Variants in LPIN1 observed in about 807,000 individuals in gnomAD.
LPIN1 encodes the protein lipin 1.
In LPIN1, 71 loss-of-function variants were observed where a neutral mutation model predicts 107.5. The observed-to-expected ratio is 0.66, with a 90% CI of 0.55 to 0.80. The LOEUF (loss-of-function observed/expected upper bound fraction) is 0.80, where lower values mean the gene tolerates loss of function less well. LPIN1 is among the 30% of genes least tolerant of loss of function. LPIN1 has a pLI of 0.00. For synonymous variants in LPIN1, 445 were observed against 452.6 expected (o/e 0.98, Z 0.21); for missense variants, 1,043 against 1,160.6 (o/e 0.90, Z 1.47).
At chr2:11,785,589 C>T (rs923017503) in intron 10 of LPIN1, among the ~76,000 whole-genome samples, 1 of 152,192 alleles carries the variant, frequency 6.6e-6, no homozygotes, top group South Asian at 2.1e-4. Context: ...CCCACGCCCC[C>T]CAGTGGGTGC....
In LPIN1 at chr2:11,746,642, T is replaced by TA. The variant is rs1666968706; in HGVS notation, c.-38dup. The TA allele has an allele frequency of 1.2e-5, 12 of 985,276 alleles. No homozygotes were observed. Among genetic ancestry groups the TA allele is most frequent in the Non-Finnish European group, 1.4e-5 (12 of 829,902 alleles). The allele number at this position is 985,276 out of a possible 1,614,324, so 61.0% of individuals were successfully genotyped here. ...CCGGCGGCGGGCTGGGTGTTTGCAA[T>TA]ACAAAGGCGGCCACGCGCGGCGCCG... On this transcript the variant is annotated 5_prime_UTR_variant, in exon 1 of 21. Coordinates refer to ENST00000674199, the MANE Select transcript of LPIN1 (RefSeq NM_001349206.2).
intron 3 of LPIN1, among the ~76,000 whole-genome samples, chr2:11,768,584 C>T (rs908203300): frequency 7.2e-5 from 11 of 152,030 alleles, no homozygotes; most frequent in African/African-American, 2.7e-4. Context: ...TTTTTATGGC[C>T]GAATAGTATT....
At chr2:11,812,787 C>G (rs16857890) in intron 17 of LPIN1, among the ~76,000 whole-genome samples, 1 of 152,082 alleles carries the variant, frequency 6.6e-6, no homozygotes, top group East Asian at 1.9e-4. Context: ...GAGTGGGCTA[C>G]GCTTTACATT....
chr2:11,701,734 C>T (rs1483008485), intron 1 of LPIN1, among the ~76,000 whole-genome samples: 1 of 152,188 alleles, frequency 6.6e-6, no homozygotes, highest in Admixed American at 6.5e-5. Context: ...GTCGAGGTCA[C>T]ACAGATAGTG....
intron 1 of LPIN1, among the ~76,000 whole-genome samples, chr2:11,700,151 G>A (rs140869935): frequency 1.3e-5 from 2 of 152,250 alleles, no homozygotes; most frequent in South Asian, 2.1e-4. Context: ...AGCCATCCAC[G>A]TGTCAGGTGT....
intron 12 of LPIN1, chr2:11,791,623 T>A: frequency 1.6e-6 from 2 of 1,254,060 alleles, no homozygotes; most frequent in Non-Finnish European, 2.1e-6. Flanking sequence ...TAATCACTAA[T>A]GATTTCTAAT....
rs532678747 is a variant in LPIN1 at position 11,754,665 on chromosome 2, T to C, written c.-10+7994T>C. 4.6e-5 allele frequency among the ~76,000 whole-genome samples: 7 copies of C among 152,316 alleles called. No homozygotes were observed. The South Asian group carries it at 1.5e-3, about 32-fold the overall frequency. On this transcript the variant is annotated intron_variant, in intron 1 of 20. Coordinates refer to ENST00000674199, the MANE Select transcript of LPIN1 (RefSeq NM_001349206.2). ...GACAATAATAAGATTTTGCATGTGT[T>C]GTCCAGGAGCAAAGACCTTTCCAAA...
chr2:11,682,826 G>C (rs558501588), intron 1 of LPIN1: 18 of 152,334 alleles, frequency 1.2e-4, no homozygotes, highest in African/African-American at 4.1e-4. Flanking sequence ...GCAAGTCCCT[G>C]TTTGTCCGGG....
intron 9 of LPIN1, 85 bp downstream of exon 9, chr2:11,784,007 A>G (rs1674021070): frequency 6.2e-7 from 1 of 1,605,922 alleles, no homozygotes; most frequent in African/African-American, 1.3e-5. Flanking sequence ...ATGTTTGATT[A>G]GAAAGTGTGC....
chr2:11,763,987 G>GTATATA (rs1162699730), intron 1 of LPIN1, among the ~76,000 whole-genome samples: 2 of 132,926 alleles, frequency 1.5e-5, no homozygotes, highest in Admixed American at 7.4e-5. Flanking sequence ...GTGTGTGTGT[G>GTATATA]TATATATATA....
chr2:11,712,586 A>G (rs1387032929), intron 1 of LPIN1, among the ~76,000 whole-genome samples: 1 of 152,218 alleles, frequency 6.6e-6, no homozygotes, highest in Non-Finnish European at 1.5e-5. Flanking sequence ...GTAAAGCAAC[A>G]CCATTAACTA....
At chr2:11,788,165 C>T (rs1251049196) in intron 11 of LPIN1, among the ~76,000 whole-genome samples, 2 of 152,120 alleles carry the variant, frequency 1.3e-5, no homozygotes, top group Non-Finnish European at 2.9e-5. Context: ...GTCTGCCCTG[C>T]TGGCACGGCT....
chr2:11,720,529 A>G (rs1170278583), upstream of LPIN1, among the ~76,000 whole-genome samples: 2 of 152,170 alleles, frequency 1.3e-5, no homozygotes, highest in African/African-American at 4.8e-5. Flanking sequence ...GAGGTTGATG[A>G]TGCTCGAACT....
chr2:11,727,079 T>C (rs1024706931), intron 1 of LPIN1, among the ~76,000 whole-genome samples: 5 of 152,236 alleles, frequency 3.3e-5, no homozygotes, highest in African/African-American at 1.2e-4. Flanking sequence ...AATTTCCCTT[T>C]TAATCGCTAG....
intron 1 of LPIN1, among the ~76,000 whole-genome samples, chr2:11,693,703 A>G (rs532269811): frequency 1.0e-3 from 149 of 146,150 alleles, no homozygotes; most frequent in Non-Finnish European, 1.8e-3. Flanking sequence ...TCCCTCTCAA[A>G]GTTCGTAGGG....
At chr2:11,699,931 C>T (rs1314638157) in intron 1 of LPIN1, among the ~76,000 whole-genome samples, 1 of 151,892 alleles carries the variant, frequency 6.6e-6, no homozygotes, top group Non-Finnish European at 1.5e-5. Flanking sequence ...AACTCAGTTT[C>T]TTCAATTAAA....
At position 11,734,126 on chromosome 2, in the gene LPIN1, C is replaced by A; in HGVS notation, c.-71-7223C>A. ...AGACCAGTTTGTATTAAATTAGAGA[C>A]CTTCATTCACATTGCAATGTGACAT... On this transcript the variant is annotated intron_variant, in intron 1 of 21. Coordinates refer to the LPIN1 transcript ENST00000396097. Among the ~76,000 whole-genome samples the A allele has an allele frequency of 2.6e-5, 4 of 152,318 alleles. No homozygotes were observed. The South Asian group carries it at 8.3e-4, about 32-fold the overall frequency.
At chr2:11,792,045 G>A in intron 13 of LPIN1, 39 bp downstream of exon 13, 3 of 1,575,438 alleles carry the variant, frequency 1.9e-6, no homozygotes, top group South Asian at 2.2e-5. Context: ...CACTTAGCAA[G>A]TGTTGGTTTT....
At chr2:11,806,556 T>C (rs1471692419) in intron 17 of LPIN1, among the ~76,000 whole-genome samples, 1 of 152,010 alleles carries the variant, frequency 6.6e-6, no homozygotes, top group Non-Finnish European at 1.5e-5. Context: ...CATAGTGAGA[T>C]TCCCCCCCAT....
Sources: gnomAD v4.1 joint callset for allele counts (sites outside exome capture counted in the v4.1 genomes callset) on GRCh38, gnomAD v4.1.1 for gene constraint, MANE v1.5 for transcripts, NCBI Gene and HGNC (gene_info 2026-07-23, HGNC 2026-07-21) for gene names.